Variants in CDH2 observed in about 807,000 individuals in gnomAD.
The protein encoded by CDH2 is cadherin 2, also known as cadherin-2.
In CDH2, 17 loss-of-function variants were observed where a neutral mutation model predicts 92.0. The ratio of observed to expected loss-of-function variants is 0.18; its 90% CI spans 0.13 to 0.28. The LOEUF is 0.28. Among genes scored for constraint, CDH2 ranks in the 10% least tolerant of loss-of-function variants. The probability of loss-of-function intolerance (pLI) is 1.00; values close to 1 mark genes in which losing one functional copy is unlikely to be tolerated. For missense variants in CDH2, 862 were observed against 1,133.1 expected (o/e 0.76, Z 3.44); for synonymous variants, 419 against 415.9 (o/e 1.01, Z -0.09).
intron 2 of CDH2, among the ~76,000 whole-genome samples, chr18:28,112,215 T>C (rs1361111209): frequency 6.6e-6 from 1 of 152,216 alleles, no homozygotes; most frequent in Non-Finnish European, 1.5e-5. Flanking sequence ...CCACTATAAA[T>C]GCAAGACTCT....
intron 2 of CDH2, among the ~76,000 whole-genome samples, chr18:28,099,031 T>C (rs1370614711): frequency 6.6e-6 from 1 of 152,088 alleles, no homozygotes; most frequent in Admixed American, 6.5e-5. Context: ...AGTAACTAAG[T>C]AAGTGTGTTA....
At position 28,043,808 on chromosome 18, in the gene CDH2, A is replaced by G. The variant is rs553047987; in HGVS notation, c.173-29899T>C. Among the ~76,000 whole-genome samples, 98 of 150,248 alleles carry G rather than the reference A, an allele frequency of 6.5e-4. 1 individual carries two copies. The highest frequency in any genetic ancestry group is 2.3e-3 in the African/African-American group (94 of 41,166). ...GGAGATGTTGTGTTACAAGTGAATG[A>G]TCACAGCAGACTGCTTTAGCTGTGA... On this transcript the variant is annotated intron_variant, in intron 2 of 15. Coordinates refer to ENST00000269141, the MANE Select transcript of CDH2 (RefSeq NM_001792.5).
At chr18:28,139,306 C>G (rs45623139) in intron 2 of CDH2, among the ~76,000 whole-genome samples, 2 of 152,006 alleles carry the variant, frequency 1.3e-5, no homozygotes, top group Admixed American at 6.6e-5. Context: ...TCCCTCCCCA[C>G]TGGATTCTTT....
chr18:28,025,961 TTATTA>T (rs1169529330), intron 2 of CDH2, among the ~76,000 whole-genome samples: 1 of 152,182 alleles, frequency 6.6e-6, no homozygotes, highest in Non-Finnish European at 1.5e-5. Context: ...GATGGGATCA[TTATTA>T]TATTACCTAA....
At chr18:28,157,241 C>A (rs938374733) in intron 1 of CDH2, among the ~76,000 whole-genome samples, 1 of 152,146 alleles carries the variant, frequency 6.6e-6, no homozygotes, top group Admixed American at 6.5e-5. Flanking sequence ...GACTGCAACA[C>A]GCTTATACTC....
chr18:27,970,010 A>C (rs1373989223), intron 14 of CDH2, among the ~76,000 whole-genome samples: 5 of 152,100 alleles, frequency 3.3e-5, no homozygotes, highest in Non-Finnish European at 7.3e-5. Context: ...CAACAAAATA[A>C]TAATAAAAAA....
chr18:27,973,954 C>T (rs1344850697), intron 14 of CDH2, among the ~76,000 whole-genome samples: 1 of 152,136 alleles, frequency 6.6e-6, no homozygotes, highest in Non-Finnish European at 1.5e-5. Flanking sequence ...TTTCTCCATC[C>T]CAAATGCCCA....
At chr18:28,036,247 T>C (rs758722604) in intron 2 of CDH2, among the ~76,000 whole-genome samples, 1 of 152,160 alleles carries the variant, frequency 6.6e-6, no homozygotes. Flanking sequence ...GTAACATTCA[T>C]TTTTTTAAAT....
intron 2 of CDH2, among the ~76,000 whole-genome samples, chr18:28,043,478 ATATATATATATATATAAATATAT>A (rs1599057699): frequency 1.0e-5 from 1 of 95,238 alleles, no homozygotes; most frequent in East Asian, 2.9e-4. Flanking sequence ...ATATATATAT[ATATATATATATATATAAATATAT>A]ATATATATAT....
intron 14 of CDH2, among the ~76,000 whole-genome samples, chr18:27,965,563 C>T (rs761261682): frequency 1.3e-5 from 2 of 152,180 alleles, no homozygotes; most frequent in Non-Finnish European, 2.9e-5. Context: ...ATCATCCATA[C>T]AAAACTTGAG....
Position 28,083,179 on chromosome 18 carries a change from C to A in CDH2, c.172+64494G>T, listed in dbSNP as rs181443802. On this transcript the variant is annotated intron_variant, in intron 2 of 15. Transcript: ENST00000269141. ...AATTAAATAACTAAAGATAATACCC[C>A]CCAAGAAACTCATTTTCAGCACCAG... 2.8e-4 allele frequency among the ~76,000 whole-genome samples: 42 copies of A among 152,164 alleles called. No individual in the cohort carries two copies. In the South Asian group the frequency reaches 3.7e-3, roughly 14 times the overall value.
At chr18:27,963,579 A>C in intron 14 of CDH2, 58 bp from the exon 15 acceptor site, 2 of 1,529,642 alleles carry the variant, frequency 1.3e-6, no homozygotes, top group Non-Finnish European at 1.8e-6. Flanking sequence ...AGAAAATTAC[A>C]ACCTCGCTTT....
chr18:27,957,133 C>CCAT (rs1555627674), intron 15 of CDH2, among the ~76,000 whole-genome samples: 5 of 151,354 alleles, frequency 3.3e-5, no homozygotes, highest in African/African-American at 4.9e-5. Flanking sequence ...ATCCATCCAT[C>CCAT]CCATCCATCC....
intron 2 of CDH2, among the ~76,000 whole-genome samples, chr18:28,110,657 C>A (rs1372146424): frequency 2.0e-5 from 3 of 152,064 alleles, no homozygotes; most frequent in Non-Finnish European, 2.9e-5. Context: ...CTGAGGATTT[C>A]TTTTTGCCAC....
At chr18:28,163,586 C>T (rs1192466229) in intron 1 of CDH2, among the ~76,000 whole-genome samples, 1 of 152,170 alleles carries the variant, frequency 6.6e-6, no homozygotes, top group Admixed American at 6.5e-5. Context: ...CTGACAGCAG[C>T]AAAAAACTGA....
intron 6 of CDH2, 50 bp downstream of exon 6, chr18:28,005,799 T>C: frequency 7.0e-7 from 1 of 1,436,820 alleles, no homozygotes. Flanking sequence ...CAGGGCTGGT[T>C]ACACCATACT....
chr18:27,947,667 G>T (rs1388687618), downstream of CDH2, among the ~76,000 whole-genome samples: 4 of 151,710 alleles, frequency 2.6e-5, no homozygotes, highest in African/African-American at 9.7e-5. Context: ...AAGTATATGT[G>T]ATATAAGTAT....
intron 14 of CDH2, 41 bp from the exon 15 acceptor site, chr18:27,963,562 C>CAA: frequency 6.3e-7 from 1 of 1,589,272 alleles, no homozygotes; most frequent in African/African-American, 1.3e-5. Flanking sequence ...GAGATGGGCA[C>CAA]AAAGATAGAA....
intron 2 of CDH2, among the ~76,000 whole-genome samples, chr18:28,053,426 T>C (rs1028299417): frequency 6.6e-6 from 1 of 152,206 alleles, no homozygotes; most frequent in East Asian, 1.9e-4. Context: ...AATTTACCTG[T>C]CACATGTTAA....
Sources: allele counts gnomAD v4.1 joint callset (sites outside exome capture counted in the v4.1 genomes callset), GRCh38; gene constraint gnomAD v4.1.1; transcripts MANE v1.5; gene names NCBI Gene and HGNC (gene_info 2026-07-23, HGNC 2026-07-21).